SLC7A1: variants seen among roughly 807,000 people sequenced by gnomAD.
The protein encoded by SLC7A1 is high affinity cationic amino acid transporter 1.
In SLC7A1, 10 loss-of-function variants were observed where a neutral mutation model predicts 53.9. That is an observed-to-expected ratio of 0.19 (90% CI 0.11 to 0.31). The LOEUF (loss-of-function observed/expected upper bound fraction) is 0.31. Ranked by LOEUF, SLC7A1 falls within the 10% of genes least tolerant of loss-of-function variation. The probability of loss-of-function intolerance (pLI) is 1.00; values close to 1 mark genes in which losing one functional copy is unlikely to be tolerated. For synonymous variants in SLC7A1, 342 were observed against 338.7 expected (o/e 1.01, Z -0.11); for missense variants, 525 against 827.2 (o/e 0.63, Z 4.48).
At chr13:29,573,131 A>C (rs968798943) in intron 1 of SLC7A1, among the ~76,000 whole-genome samples, 13 of 152,250 alleles carry the variant, frequency 8.5e-5, no homozygotes, top group Admixed American at 6.5e-4. Flanking sequence ...AAGGTCACTC[A>C]GGACAATATT....
chr13:29,561,504 T>C (rs1870754420), intron 1 of SLC7A1, among the ~76,000 whole-genome samples: 2 of 152,132 alleles, frequency 1.3e-5, no homozygotes, highest in Admixed American at 1.3e-4. Context: ...CAGAGTGTTG[T>C]AAAAAGAGGG....
chr13:29,567,159 A>C (rs1446862181), intron 1 of SLC7A1, among the ~76,000 whole-genome samples: 1 of 152,220 alleles, frequency 6.6e-6, no homozygotes, highest in Non-Finnish European at 1.5e-5. Context: ...TCCTGTTTTA[A>C]TACGCAGCTT....
chr13:29,595,479 G>T lies in SLC7A1; in HGVS notation c.-178C>A. Reference sequence around the variant, plus strand: ...AGACAGACTGTCGGACGCGCTCAAGGACCAACGGACGCTCGGCCGGCGAGA... The same window carrying T: ...AGACAGACTGTCGGACGCGCTCAAGTACCAACGGACGCTCGGCCGGCGAGA... On this transcript the variant is annotated 5_prime_UTR_variant, in exon 1 of 13. Coordinates refer to ENST00000380752, the MANE Select transcript of SLC7A1 (RefSeq NM_003045.5). 1.3e-5 allele frequency: 2 copies of T among 150,560 alleles called. No homozygotes were observed. The highest frequency in any genetic ancestry group is 3.9e-4 in the South Asian group (2 of 5,084). 9.3% of individuals were successfully genotyped at this position (150,560 alleles called of 1,614,324 possible). A position where few individuals can be genotyped will look rare whatever the true frequency, so the allele number is the denominator to read the frequency against.
intron 2 of SLC7A1, among the ~76,000 whole-genome samples, chr13:29,549,935 T>C (rs1476105373): frequency 1.3e-5 from 2 of 152,164 alleles, no homozygotes; most frequent in Non-Finnish European, 2.9e-5. Flanking sequence ...AGTCCTGGGA[T>C]TACAGATGTG....
chr13:29,533,005 G>A, intron 3 of SLC7A1, 23 bp from the exon 4 acceptor site: 2 of 1,591,442 alleles, frequency 1.3e-6, no homozygotes, highest in Middle Eastern at 1.7e-4. Context: ...ACACACAACA[G>A]AGGAGATGTG....
At chr13:29,533,276 C>T (rs1869258760) in intron 3 of SLC7A1, among the ~76,000 whole-genome samples, 1 of 149,038 alleles carries the variant, frequency 6.7e-6, no homozygotes, top group East Asian at 1.9e-4. Context: ...ACGAGTGTTA[C>T]CCTTACCACC....
chr13:29,548,198 C>G (rs1038538278), intron 2 of SLC7A1, among the ~76,000 whole-genome samples: 1 of 152,206 alleles, frequency 6.6e-6, no homozygotes, highest in East Asian at 1.9e-4. Context: ...CCGATAGCCT[C>G]CACCAGAAAA....
intron 1 of SLC7A1, among the ~76,000 whole-genome samples, chr13:29,590,246 G>A (rs1025887556): frequency 2.0e-5 from 3 of 152,118 alleles, no homozygotes; most frequent in African/African-American, 7.2e-5. Context: ...TGGGAAACAC[G>A]GCCCAGAGTT....
chr13:29,529,492 T>C (rs1869053142), intron 5 of SLC7A1, among the ~76,000 whole-genome samples: 1 of 152,190 alleles, frequency 6.6e-6, no homozygotes, highest in African/African-American at 2.4e-5. Context: ...ACCTGAGCAC[T>C]CTCCTCTACG....
intron 4 of SLC7A1, among the ~76,000 whole-genome samples, chr13:29,531,789 G>A (rs1258224661): frequency 1.3e-5 from 2 of 152,074 alleles, no homozygotes; most frequent in African/African-American, 2.4e-5. Flanking sequence ...AGCCAAGATC[G>A]CGCAACTGCA....
Position 29,514,381 on chromosome 13 carries a change from G to C in SLC7A1, c.*99C>G. 1.3e-6 allele frequency: 1 copy of C among 790,370 alleles called. No homozygotes were observed. Among genetic ancestry groups the C allele is most frequent in the South Asian group, 1.5e-5 (1 of 65,866 alleles). The allele number at this position is 790,370 out of a possible 1,614,324, so 49.0% of individuals were successfully genotyped here. A position where few individuals can be genotyped will look rare whatever the true frequency, so the allele number is the denominator to read the frequency against. On this transcript the variant is annotated 3_prime_UTR_variant, in exon 13 of 13. Coordinates refer to ENST00000380752, the MANE Select transcript of SLC7A1 (RefSeq NM_003045.5). The stretch of plus-strand genomic sequence containing the variant: ...TGGCTGCAGTGAGGGTGTGGACGCA[G>C]GTGGTTTCTGTTGCACTGGTGGGGA...
rs1883432716 is a variant in SLC7A1, at chr13:29,512,840, G to C, written c.*1640C>G. The C allele has an allele frequency of 6.6e-6, 1 of 152,266 alleles. No individual in the cohort carries two copies. 9.4% of individuals were successfully genotyped at this position (152,266 alleles called of 1,614,324 possible). A position where few individuals can be genotyped will look rare whatever the true frequency, so the allele number is the denominator to read the frequency against. On this transcript the variant is annotated 3_prime_UTR_variant, in exon 13 of 13. Coordinates refer to ENST00000380752, the MANE Select transcript of SLC7A1 (RefSeq NM_003045.5). ...TCCACCGCCGTGTTCACAAATTCTT[G>C]CACTTCTCTCCAAGAACCTTCTGGG...
chr13:29,552,788 C>A (rs1405169934), intron 2 of SLC7A1, among the ~76,000 whole-genome samples: 1 of 152,094 alleles, frequency 6.6e-6, no homozygotes, highest in Non-Finnish European at 1.5e-5. Flanking sequence ...AATCTCTGTT[C>A]GAGGCTCTCA....
chr13:29,532,650 A>G (rs991211799), intron 4 of SLC7A1, among the ~76,000 whole-genome samples, 174 bp downstream of exon 4: 4 of 152,248 alleles, frequency 2.6e-5, no homozygotes, highest in African/African-American at 9.6e-5. Context: ...TGAATCTATA[A>G]GAAGCAATGA....
chr13:29,591,616 C>G (rs1872114233), intron 1 of SLC7A1, among the ~76,000 whole-genome samples: 1 of 152,126 alleles, frequency 6.6e-6, no homozygotes, highest in South Asian at 2.1e-4. Context: ...CCGATCTGAA[C>G]AAGTATTCTG....
At chr13:29,549,970 T>C (rs1052225170) in intron 2 of SLC7A1, among the ~76,000 whole-genome samples, 1 of 152,198 alleles carries the variant, frequency 6.6e-6, no homozygotes, top group Non-Finnish European at 1.5e-5. Flanking sequence ...GCCACTTCTA[T>C]TGTTTTTTAA....
intron 12 of SLC7A1, 41 bp from the exon 13 acceptor site, chr13:29,514,624 G>C (rs1295284708): frequency 6.8e-7 from 1 of 1,469,268 alleles, no homozygotes; most frequent in Admixed American, 1.8e-5. Context: ...CAGACCGCCG[G>C]TTGCACCACC....
intron 1 of SLC7A1, among the ~76,000 whole-genome samples, chr13:29,593,636 T>C (rs1009296008): frequency 7.9e-5 from 12 of 152,250 alleles, no homozygotes; most frequent in Admixed American, 6.5e-4. Context: ...GTATGGACTT[T>C]GGTTAAAATA....
At position 29,513,782 on chromosome 13, in the gene SLC7A1, C is replaced by T. The variant is rs557791500; in HGVS notation, c.*698G>A. 2 of 152,494 alleles carry T rather than the reference C, an allele frequency of 1.3e-5. No individual in the cohort carries two copies. Among genetic ancestry groups the T allele is most frequent in the African/African-American group, 4.8e-5 (2 of 41,586 alleles). 9.4% of individuals were successfully genotyped at this position (152,494 alleles called of 1,614,324 possible). On this transcript the variant is annotated 3_prime_UTR_variant, in exon 13 of 13. Coordinates refer to ENST00000380752, the MANE Select transcript of SLC7A1 (RefSeq NM_003045.5). ...ACACACATGCATAAGCAAAGCAGGC[C>T]CTAATGGGAGTGATCCCTTCTTCCT...
Sources: gnomAD v4.1 joint callset for allele counts (sites outside exome capture counted in the v4.1 genomes callset) on GRCh38, gnomAD v4.1.1 for gene constraint, MANE v1.5 for transcripts, NCBI Gene and HGNC (gene_info 2026-07-23, HGNC 2026-07-21) for gene names.